HYDIN: variants seen among roughly 807,000 people sequenced by gnomAD.
The protein encoded by HYDIN is HYDIN axonemal central pair apparatus protein.
In HYDIN, 132 loss-of-function variants were observed where a neutral mutation model predicts 403.9. The observed-to-expected ratio is 0.33, with a 90% CI of 0.28 to 0.38. The LOEUF is 0.38. HYDIN is among the 10% of genes least tolerant of loss of function. The pLI, the probability that HYDIN is intolerant of heterozygous loss-of-function variation, is 1.00. For missense variants in HYDIN, 2,827 were observed against 5,009.5 expected (o/e 0.56, Z 13.15); for synonymous variants, 1,202 against 1,891.7 (o/e 0.64, Z 9.46).
At chr16:71,136,522 T>A (rs1301646607) in intron 8 of HYDIN, among the ~76,000 whole-genome samples, 2 of 150,676 alleles carry the variant, frequency 1.3e-5, no homozygotes, top group African/African-American at 4.9e-5. Context: ...CCCAACACTT[T>A]GGGAGGGTGA....
chr16:71,086,374 G>C (rs2082930992), intron 12 of HYDIN, among the ~76,000 whole-genome samples: 1 of 150,726 alleles, frequency 6.6e-6, no homozygotes, highest in South Asian at 2.1e-4. Context: ...TTCCTAAAAG[G>C]GGTAGCTATG....
At chr16:71,222,053 T>G (rs1598065257) in intron 1 of HYDIN, among the ~76,000 whole-genome samples, 1 of 152,342 alleles carries the variant, frequency 6.6e-6, no homozygotes, top group Admixed American at 6.5e-5. Context: ...ACAAATCATC[T>G]TCTACCACAT....
chr16:71,068,974 C>T (rs975561248), intron 14 of HYDIN, among the ~76,000 whole-genome samples: 5 of 151,696 alleles, frequency 3.3e-5, no homozygotes, highest in South Asian at 2.1e-4. Flanking sequence ...ATATTAGTAC[C>T]GCTGGGAGTA....
chr16:71,063,837 T>C lies in HYDIN; in HGVS notation c.2211+868A>G, dbSNP rs187351650. 1.9e-3 allele frequency among the ~76,000 whole-genome samples: 293 copies of C among 152,116 alleles called. 7 individuals are homozygous for C. The highest frequency in any genetic ancestry group is 0.017 in the Admixed American group (260 of 15,248). On this transcript the variant is annotated intron_variant, in intron 16 of 85. Transcript: ENST00000393567. ...TGGTTACTGCGAACATGGTGCTTTT[T>C]CGTCTTCAAGTTTCCATTAGAAAAA...
At position 71,224,960 on chromosome 16, in the gene HYDIN, G is replaced by C. The variant is rs1030091339; in HGVS notation, c.-24+5602C>G. On this transcript the variant is annotated intron_variant, in intron 1 of 85. Coordinates refer to ENST00000393567, the MANE Select transcript of HYDIN (RefSeq NM_001270974.2). ...AAGTTACTGGTCATGTTTTTCTCTG[G>C]GGACATTTGCTAATTCTAGGCACAG... 3.3e-5 allele frequency among the ~76,000 whole-genome samples: 5 copies of C among 152,124 alleles called. No homozygotes were observed. In the East Asian group the frequency reaches 9.6e-4, roughly 29 times the overall value.
chr16:71,074,157 C>A lies in HYDIN; in HGVS notation c.1739-4655G>T, dbSNP rs2144320226. ...ACTTTAGTTAGCTTAATGTATTCCCCACTATATTAGCCTCTGCAAACCTTT... is the reference window on the plus strand; with the variant it reads ...ACTTTAGTTAGCTTAATGTATTCCCAACTATATTAGCCTCTGCAAACCTTT... On this transcript the variant is annotated intron_variant, in intron 13 of 85. Coordinates refer to ENST00000393567, the MANE Select transcript of HYDIN (RefSeq NM_001270974.2). Among the ~76,000 whole-genome samples, 2 of 152,102 alleles carry A rather than the reference C, an allele frequency of 1.3e-5. 1 individual carries two copies. Among genetic ancestry groups the A allele is most frequent in the East Asian group, 3.9e-4 (2 of 5,162 alleles).
At chr16:71,030,229 C>T (rs61289131) in intron 19 of HYDIN, among the ~76,000 whole-genome samples, 27 of 151,336 alleles carry the variant, frequency 1.8e-4, no homozygotes, top group African/African-American at 4.9e-4. Flanking sequence ...TTTTTTATTT[C>T]GTAGAGATAG....
At chr16:71,168,319 CAA>C (rs71302043) in intron 5 of HYDIN, among the ~76,000 whole-genome samples, 90 of 86,430 alleles carry the variant, frequency 1.0e-3, no homozygotes, top group African/African-American at 2.8e-3. Flanking sequence ...AACCCTGCTT[CAA>C]AAAAAAAAAA....
At chr16:71,204,617 T>C (rs952300489) in intron 1 of HYDIN, among the ~76,000 whole-genome samples, 1 of 152,254 alleles carries the variant, frequency 6.6e-6, no homozygotes, top group Non-Finnish European at 1.5e-5. Flanking sequence ...CAGAATTCAG[T>C]AATGAAAACC....
rs2035046392 is a variant in HYDIN, at chr16:70,804,973, G to A, written c.*2607C>T. Among the ~76,000 whole-genome samples the A allele has an allele frequency of 6.6e-6, 1 of 152,246 alleles. No individual in the cohort carries two copies. Among genetic ancestry groups the A allele is most frequent in the Non-Finnish European group, 1.5e-5 (1 of 68,040 alleles). ...TGGTGGCATGTTAGACAAGATTTCA[G>A]ACAGCTTCTTCCACCTTTTCTTTAG... On this transcript the variant is annotated 3_prime_UTR_variant, in exon 86 of 86. Transcript: ENST00000393567.
chr16:71,116,236 T>TTC (rs2084024584), intron 9 of HYDIN, among the ~76,000 whole-genome samples: 1 of 148,026 alleles, frequency 6.8e-6, no homozygotes, highest in African/African-American at 2.5e-5. Flanking sequence ...AGACCTTTTT[T>TTC]TTTTTTTTTT....
intron 1 of HYDIN, among the ~76,000 whole-genome samples, chr16:71,201,941 C>G (rs1282114489): frequency 3.3e-5 from 5 of 152,176 alleles, no homozygotes; most frequent in African/African-American, 1.2e-4. Context: ...CTTGAATAAC[C>G]ATCTAGACTG....
At chr16:71,029,230 T>C (rs1207709884) in intron 19 of HYDIN, among the ~76,000 whole-genome samples, 1 of 148,298 alleles carries the variant, frequency 6.7e-6, no homozygotes, top group Non-Finnish European at 1.5e-5. Flanking sequence ...AAAGCAGCCA[T>C]AGACAATATG....
chr16:70,877,109 A>T (rs1040071308), intron 62 of HYDIN, among the ~76,000 whole-genome samples: 3 of 150,734 alleles, frequency 2.0e-5, no homozygotes, highest in Non-Finnish European at 4.4e-5. Context: ...AGTTAAAGGG[A>T]GAGTTAATAA....
intron 13 of HYDIN, among the ~76,000 whole-genome samples, chr16:71,077,288 G>A (rs1597723402): frequency 6.6e-6 from 1 of 151,290 alleles, no homozygotes. Context: ...CTCTTTCTGT[G>A]AATTTTTCCC....
intron 75 of HYDIN, among the ~76,000 whole-genome samples, chr16:70,849,125 G>A (rs1426783976): frequency 2.6e-5 from 4 of 152,028 alleles, no homozygotes; most frequent in Non-Finnish European, 5.9e-5. Context: ...CTGATTGATT[G>A]CTGACTTTCA....
intron 45 of HYDIN, among the ~76,000 whole-genome samples, chr16:70,926,165 T>C (rs2077146795): frequency 2.1e-5 from 3 of 145,778 alleles, no homozygotes. Flanking sequence ...TGCGCATGTA[T>C]GTTTATTGCG....
rs1231826689 is a variant in HYDIN, at chr16:71,062,402, G to C, written c.2212-69C>G. The C allele has an allele frequency of 3.7e-6, 5 of 1,351,648 alleles. No individual in the cohort carries two copies. In the East Asian group the frequency reaches 1.2e-4, roughly 34 times the overall value. The allele number at this position is 1,351,648 out of a possible 1,614,324, so 83.7% of individuals were successfully genotyped here. On this transcript the variant is annotated intron_variant, in intron 16 of 85. Coordinates refer to ENST00000393567, the MANE Select transcript of HYDIN (RefSeq NM_001270974.2). The stretch of plus-strand genomic sequence containing the variant: ...AACAAATAGCGTATTTGCTTATTTT[G>C]AAGTGTTTTCCTGAGTCCGTAGAGG...
chr16:70,841,992 G>C, intron 75 of HYDIN, among the ~76,000 whole-genome samples: 1 of 150,688 alleles, frequency 6.6e-6, no homozygotes, highest in South Asian at 2.1e-4. Context: ...CTGAGGATTT[G>C]ATAAAGATGA....
Sources: gnomAD v4.1 joint callset for allele counts (sites outside exome capture counted in the v4.1 genomes callset) on GRCh38, gnomAD v4.1.1 for gene constraint, MANE v1.5 for transcripts, NCBI Gene and HGNC (gene_info 2026-07-23, HGNC 2026-07-21) for gene names.